The following NID1 variants were observed in gnomAD, a reference collection of about 807,000 sequenced individuals.
The protein encoded by NID1 is nidogen 1.
Under a neutral mutation model 130.6 loss-of-function variants are expected in NID1, and 76 were observed. The observed-to-expected ratio is 0.58, with a 90% CI of 0.48 to 0.70. NID1 has a LOEUF of 0.70. NID1 is among the 30% of genes least tolerant of loss of function. The pLI, the probability that NID1 is intolerant of heterozygous loss-of-function variation, is 0.00. For missense variants in NID1, 1,517 were observed against 1,664.8 expected (o/e 0.91, Z 1.54); for synonymous variants, 665 against 675.1 (o/e 0.98, Z 0.23).
intron 12 of NID1, among the ~76,000 whole-genome samples, chr1:236,010,578 G>T (rs1353352723): frequency 6.6e-6 from 1 of 152,172 alleles, no homozygotes; most frequent in South Asian, 2.1e-4. Flanking sequence ...AGGATTACAG[G>T]CGAGAGCCAT....
intron 14 of NID1, among the ~76,000 whole-genome samples, chr1:235,988,786 T>C (rs568079654): frequency 6.6e-6 from 1 of 152,262 alleles, no homozygotes; most frequent in Non-Finnish European, 1.5e-5. Context: ...TACTGTATGA[T>C]TCTGCTTCTA....
chr1:236,053,582 T>C (rs903567541), intron 1 of NID1, among the ~76,000 whole-genome samples: 4 of 152,132 alleles, frequency 2.6e-5, no homozygotes, highest in Non-Finnish European at 5.9e-5. Context: ...CTCACTCTTT[T>C]TTCCCTTCCC....
intron 4 of NID1, among the ~76,000 whole-genome samples, chr1:236,039,382 A>G (rs1287035072): frequency 1.3e-5 from 2 of 151,514 alleles, no homozygotes; most frequent in African/African-American, 4.8e-5. Flanking sequence ...CCTGGCTTAT[A>G]TTCTTTTTAA....
chr1:236,018,620 C>T (rs1039485449), intron 9 of NID1, among the ~76,000 whole-genome samples: 35 of 152,300 alleles, frequency 2.3e-4, no homozygotes, highest in African/African-American at 7.2e-4. Context: ...GTCCTTCCCA[C>T]GTCAACCTCA....
chr1:235,990,846 A>C, intron 14 of NID1, 40 bp downstream of exon 14: 1 of 1,610,704 alleles, frequency 6.2e-7, no homozygotes, highest in Non-Finnish European at 8.5e-7. Flanking sequence ...CAGGTCACTG[A>C]AGCAGGAGCT....
At chr1:236,016,794 A>T (rs775251038) in intron 10 of NID1, among the ~76,000 whole-genome samples, 1 of 152,080 alleles carries the variant, frequency 6.6e-6, no homozygotes, top group Non-Finnish European at 1.5e-5. Flanking sequence ...TGCTCCCTCA[A>T]TGTGAACCCC....
chr1:235,996,749 T>C (rs751495626), intron 12 of NID1, among the ~76,000 whole-genome samples: 34 of 151,390 alleles, frequency 2.2e-4, no homozygotes, highest in Non-Finnish European at 4.3e-4. Flanking sequence ...GGCCACTTCA[T>C]GTATTTTTTT....
intron 12 of NID1, among the ~76,000 whole-genome samples, chr1:236,011,508 G>A (rs1658420330): frequency 6.6e-6 from 1 of 151,994 alleles, no homozygotes; most frequent in African/African-American, 2.4e-5. Context: ...TTGCCATGTT[G>A]GCCAGGCTGA....
At chr1:236,006,929 C>G (rs1447109680) in intron 12 of NID1, among the ~76,000 whole-genome samples, 4 of 152,018 alleles carry the variant, frequency 2.6e-5, no homozygotes, top group Admixed American at 1.3e-4. Flanking sequence ...TTCCAGACAA[C>G]CTTGATGAAG....
In NID1 at chr1:235,993,742, G is replaced by C; in HGVS notation, c.2658C>G (p.Pro886=). ...PECDAHGHYA[P]TQCHGSTGYC... ...AGCCGGTGCTGCCGTGGCACTGGGTGGGCGCGTAGTGCCCGTGCGCATCGC... is the reference window on the plus strand; with the variant it reads ...AGCCGGTGCTGCCGTGGCACTGGGTCGGCGCGTAGTGCCCGTGCGCATCGC... Residue 886 remains proline, a synonymous_variant, in exon 13 of 20, where the codon CCC becomes CCG. Coordinates refer to ENST00000264187, the MANE Select transcript of NID1 (RefSeq NM_002508.3). The C allele has an allele frequency of 6.2e-7, 1 of 1,613,078 alleles. No homozygotes were observed. The highest frequency in any genetic ancestry group is 1.3e-5 in the African/African-American group (1 of 75,062).
Position 235,980,961 on chromosome 1 carries a change from T to C in NID1, c.3228-308A>G, listed in dbSNP as rs3820557. On this transcript the variant is annotated intron_variant, in intron 16 of 19. Coordinates refer to ENST00000264187, the MANE Select transcript of NID1 (RefSeq NM_002508.3). ...TAAAGGGCTATAACTGGCATAAATA[T>C]ATGGAATTCCCTGCATGAGGCCCAC... Among the ~76,000 whole-genome samples, 36,498 of 152,056 alleles carry C rather than the reference T, an allele frequency of 0.24. 5,242 individuals are homozygous for C. Among genetic ancestry groups the C allele is most frequent in the East Asian group, 0.62 (3,230 of 5,182 alleles).
rs773006268 is a variant in NID1, at chr1:235,980,588, G to A, written c.3293C>T (p.Thr1098Met). The A allele has an allele frequency of 2.2e-5, 35 of 1,614,096 alleles. 1 individual carries two copies. Among genetic ancestry groups the A allele is most frequent in the East Asian group, 1.3e-4 (6 of 44,892 alleles). ...ATCCTGCACAAGGATCCTCCGGTTC[G>A]TGCCGTCCATGTAGGAAGTTTCAAT... is the stretch of plus-strand genomic sequence containing the variant. ...PKIETSYMDGTNRRILVQDDL... is the reference protein window; with the variant it reads ...PKIETSYMDGMNRRILVQDDL... The change falls in exon 17 of 20, where the codon ACG (threonine) becomes ATG (methionine). Residue 1098 changes from threonine (T) to methionine (M), a missense_variant. Around this residue, in one of 3 missense-constraint regions of NID1, gnomAD observed 181 missense variants for 211.3 expected, o/e 0.86. Transcript: ENST00000264187.
chr1:236,031,613 C>T lies in NID1; in HGVS notation c.1537+788G>A, dbSNP rs572643825. ...AGTGGGGGAGAAGGCAGGTCTAGGT[C>T]GTCGGAGGCAGTGGCTAGGTACCTG... On this transcript the variant is annotated intron_variant, in intron 6 of 19. Coordinates refer to ENST00000264187, the MANE Select transcript of NID1 (RefSeq NM_002508.3). Among the ~76,000 whole-genome samples the T allele has an allele frequency of 3.9e-5, 6 of 152,286 alleles. 1 individual carries two copies. The South Asian group carries it at 1.2e-3, about 32-fold the overall frequency.
rs550803386 is a variant in NID1, at chr1:235,993,287, C to G, written c.2755+358G>C. Among the ~76,000 whole-genome samples the G allele has an allele frequency of 7.9e-5, 12 of 152,348 alleles. No individual in the cohort carries two copies. The South Asian group carries it at 2.3e-3, about 29-fold the overall frequency. On this transcript the variant is annotated intron_variant, in intron 13 of 19. Coordinates refer to ENST00000264187, the MANE Select transcript of NID1 (RefSeq NM_002508.3). ...CCAGTGCAGGAACATTCCACCTCCA[C>G]GCCTCCCTTGGCAGAGAGTTCTTCT... is the stretch of plus-strand genomic sequence containing the variant.
chr1:236,041,368 A>AT lies in NID1; in HGVS notation c.1135+541dup, dbSNP rs916919199. Among the ~76,000 whole-genome samples, 24 of 150,744 alleles carry AT rather than the reference A, an allele frequency of 1.6e-4. No individual in the cohort carries two copies. The South Asian group carries it at 1.9e-3, about 12-fold the overall frequency. On this transcript the variant is annotated intron_variant, in intron 4 of 19. Coordinates refer to ENST00000264187, the MANE Select transcript of NID1 (RefSeq NM_002508.3). ...GGTGTGAGCCACCACCCCCGACCCTATTTTTTTTTAAAGAGTATCTACTTT... is the reference window on the plus strand; with the variant it reads ...GGTGTGAGCCACCACCCCCGACCCTATTTTTTTTTTAAAGAGTATCTACTTT...
intron 7 of NID1, 24 bp downstream of exon 7, chr1:236,029,526 C>G: frequency 1.3e-6 from 2 of 1,548,054 alleles, no homozygotes; most frequent in Non-Finnish European, 1.7e-6. Context: ...CTGGGGCTGG[C>G]CCTGGGACAC....
Position 236,013,647 on chromosome 1 carries a change from C to A in NID1, c.2255-87G>T, listed in dbSNP as rs542224417. The stretch of plus-strand genomic sequence containing the variant: ...CCCTCCCAGCTCTATAAAGAGAGAC[C>A]ATGCCTGGACCCTAGACCTCTAGGC... On this transcript the variant is annotated intron_variant, in intron 10 of 19. Coordinates refer to ENST00000264187, the MANE Select transcript of NID1 (RefSeq NM_002508.3). The A allele has an allele frequency of 8.0e-6, 12 of 1,503,334 alleles. No homozygotes were observed. The Admixed American group carries it at 9.1e-5, about 11-fold the overall frequency. The allele number at this position is 1,503,334 out of a possible 1,614,324, so 93.1% of individuals were successfully genotyped here.
rs143707993 is a variant in NID1, at chr1:236,025,969, G to A, written c.1911C>T (p.Ser637=). 3.0e-4 allele frequency: 487 copies of A among 1,613,732 alleles called. 1 individual carries two copies. The African/African-American group carries it at 5.3e-3, about 17-fold the overall frequency. Residue 637 remains serine, a synonymous_variant, in exon 8 of 20, where the codon AGC becomes AGT. Coordinates refer to ENST00000264187, the MANE Select transcript of NID1 (RefSeq NM_002508.3). The stretch of plus-strand genomic sequence containing the variant: ...CCTCCTGGTTGTACAGGACGAACAC[G>A]CTGTCCACCGAGAGCTGCTGGGTGC... ...LPSTQQLSVD[S]VFVLYNQEEK...
At chr1:235,981,471 T>C (rs1657435093) in intron 16 of NID1, 140 bp downstream of exon 16, 1 of 850,586 alleles carries the variant, frequency 1.2e-6, no homozygotes, top group South Asian at 1.9e-5. Flanking sequence ...TATCTACAAG[T>C]CACCAAAACT....
Sources: gnomAD v4.1 joint callset for allele counts (sites outside exome capture counted in the v4.1 genomes callset) on GRCh38, gnomAD v4.1.1 for gene constraint, gnomAD v4.1.1 regional missense constraint, MANE v1.5 for transcripts, NCBI Gene and HGNC (gene_info 2026-07-23, HGNC 2026-07-21) for gene names.